Variants in ADGRB3 observed in about 807,000 individuals in gnomAD.
ADGRB3 encodes the protein brain-specific angiogenesis inhibitor 3.
Under a neutral mutation model 193.4 loss-of-function variants are expected in ADGRB3, and 37 were observed. The ratio of observed to expected loss-of-function variants is 0.19; its 90% CI spans 0.15 to 0.25. ADGRB3 has a LOEUF of 0.25. Ranked by LOEUF, ADGRB3 falls within the 10% of genes least tolerant of loss-of-function variation. The probability of loss-of-function intolerance (pLI) is 1.00; values close to 1 mark genes in which losing one functional copy is unlikely to be tolerated. For missense variants in ADGRB3, 1,637 were observed against 1,852.9 expected, an observed-to-expected ratio of 0.88 and a Z score of 2.14; for synonymous variants, 690 against 644.2, an observed-to-expected ratio of 1.07 and a Z score of -1.08.
At chr6:68,743,361 G>GTGTA (rs1562012780) in intron 3 of ADGRB3, among the ~76,000 whole-genome samples, 1 of 150,470 alleles carries the variant, frequency 6.6e-6, no homozygotes, top group Non-Finnish European at 1.5e-5. Flanking sequence ...TTGTGTGTGT[G>GTGTA]TGTATATCCA....
intron 17 of ADGRB3, among the ~76,000 whole-genome samples, chr6:69,161,952 C>A (rs1775001602): frequency 1.3e-5 from 2 of 152,072 alleles, no homozygotes; most frequent in East Asian, 3.9e-4. Context: ...AATTTGGTAG[C>A]TTAATCTTGG....
At chr6:69,022,142 T>C (rs1582400150) in intron 13 of ADGRB3, among the ~76,000 whole-genome samples, 1 of 151,932 alleles carries the variant, frequency 6.6e-6, no homozygotes, top group South Asian at 2.1e-4. Flanking sequence ...CTAAATGCTC[T>C]GCTAAATAGT....
At chr6:68,681,894 G>A (rs1313480273) in intron 3 of ADGRB3, among the ~76,000 whole-genome samples, 1 of 152,070 alleles carries the variant, frequency 6.6e-6, no homozygotes, top group Non-Finnish European at 1.5e-5. Flanking sequence ...GTATGACAAC[G>A]GGATTAAAGT....
intron 20 of ADGRB3, among the ~76,000 whole-genome samples, chr6:69,287,459 A>T (rs901287366): frequency 6.6e-6 from 1 of 152,198 alleles, no homozygotes; most frequent in Non-Finnish European, 1.5e-5. Flanking sequence ...AAGAAAAAAA[A>T]CTGAATCTAC....
chr6:69,140,558 G>A (rs1412293943), intron 17 of ADGRB3, among the ~76,000 whole-genome samples: 8 of 152,030 alleles, frequency 5.3e-5, no homozygotes, highest in Non-Finnish European at 1.2e-4. Context: ...AATATAATTG[G>A]ATAGAATGAA....
At chr6:68,931,920 C>A (rs896532487) in intron 4 of ADGRB3, among the ~76,000 whole-genome samples, 9 of 151,692 alleles carry the variant, frequency 5.9e-5, no homozygotes, top group African/African-American at 2.2e-4. Context: ...TTATCTGGAT[C>A]CCTTTTTGTG....
At chr6:68,671,619 A>G (rs1188046855) in intron 3 of ADGRB3, among the ~76,000 whole-genome samples, 1 of 152,016 alleles carries the variant, frequency 6.6e-6, no homozygotes, top group East Asian at 1.9e-4. Context: ...CTTAGTCATG[A>G]TGAATGCTCT....
At chr6:68,909,342 C>A (rs917243180) in intron 3 of ADGRB3, among the ~76,000 whole-genome samples, 1 of 152,106 alleles carries the variant, frequency 6.6e-6, no homozygotes, top group African/African-American at 2.4e-5. Context: ...CTTTTAGTAT[C>A]GTAGGACAAA....
intron 13 of ADGRB3, among the ~76,000 whole-genome samples, chr6:69,027,981 G>C (rs994008836): frequency 6.6e-6 from 1 of 152,136 alleles, no homozygotes; most frequent in African/African-American, 2.4e-5. Flanking sequence ...TTAAAAATAT[G>C]TTATCCTTCC....
chr6:68,891,247 C>A (rs999692615), intron 3 of ADGRB3, among the ~76,000 whole-genome samples: 1 of 152,108 alleles, frequency 6.6e-6, no homozygotes, highest in Non-Finnish European at 1.5e-5. Context: ...CTCACTAGGT[C>A]CCTCCCGCAA....
At chr6:69,037,450 A>G (rs1447080602) in intron 13 of ADGRB3, among the ~76,000 whole-genome samples, 2 of 152,124 alleles carry the variant, frequency 1.3e-5, no homozygotes, top group South Asian at 2.1e-4. Context: ...GTTTTAGCTC[A>G]TTGTAGAAAG....
chr6:69,054,003 C>CAGT (rs1771472508), intron 15 of ADGRB3, among the ~76,000 whole-genome samples: 1 of 152,118 alleles, frequency 6.6e-6, no homozygotes, highest in African/African-American at 2.4e-5. Context: ...AGTATGTGAG[C>CAGT]AGTATGTCGT....
intron 20 of ADGRB3, among the ~76,000 whole-genome samples, chr6:69,256,505 G>T (rs1328909247): frequency 6.6e-6 from 1 of 152,080 alleles, no homozygotes; most frequent in Non-Finnish European, 1.5e-5. Flanking sequence ...CTCTCTGTTT[G>T]TCTGTTATTG....
rs984938942 is a variant in ADGRB3, at chr6:69,039,700, T to A, written c.2108-8485T>A. 6.8e-4 allele frequency among the ~76,000 whole-genome samples: 103 copies of A among 152,088 alleles called. 1 individual carries two copies. Among genetic ancestry groups the A allele is most frequent in the Non-Finnish European group, 3.2e-4 (22 of 67,988 alleles). ...TCAGAATAGGAAAGGAAGATAATGG[T>A]TTTTAAAGGAAAAATGAGGAAGATT... On this transcript the variant is annotated intron_variant, in intron 13 of 31. Transcript: ENST00000370598.
intron 17 of ADGRB3, among the ~76,000 whole-genome samples, chr6:69,202,175 A>G (rs1765439559): frequency 1.3e-5 from 2 of 152,146 alleles, no homozygotes; most frequent in Admixed American, 1.3e-4. Flanking sequence ...TTTGGTCACA[A>G]ATACCCTAAT....
intron 17 of ADGRB3, among the ~76,000 whole-genome samples, chr6:69,201,254 A>T (rs976632546): frequency 1.3e-5 from 2 of 152,090 alleles, no homozygotes. Flanking sequence ...AGTCTTTTCC[A>T]CAAGATGGTC....
intron 13 of ADGRB3, among the ~76,000 whole-genome samples, chr6:69,039,778 G>A (rs1047642187): frequency 1.7e-5 from 2 of 116,540 alleles, no homozygotes; most frequent in Non-Finnish European, 1.7e-5. Context: ...GTCTTGCTCT[G>A]TTGCCCAGGC....
chr6:69,199,011 T>TGGAC (rs1765358725), intron 17 of ADGRB3, among the ~76,000 whole-genome samples: 4 of 152,046 alleles, frequency 2.6e-5, no homozygotes, highest in African/African-American at 9.7e-5. Context: ...TAAATGCAGG[T>TGGAC]CCATTACCTG....
chr6:68,859,008 T>C (rs1319143481), intron 3 of ADGRB3, among the ~76,000 whole-genome samples: 1 of 152,206 alleles, frequency 6.6e-6, no homozygotes, highest in Non-Finnish European at 1.5e-5. Flanking sequence ...TGGGATTTTA[T>C]TTTCTACTAC....
Sources: gnomAD v4.1 joint callset for allele counts (sites outside exome capture counted in the v4.1 genomes callset) on GRCh38, gnomAD v4.1.1 for gene constraint, MANE v1.5 for transcripts, NCBI Gene and HGNC (gene_info 2026-07-23, HGNC 2026-07-21) for gene names.